Variants in GARNL3 observed in about 807,000 individuals in gnomAD.
The protein encoded by GARNL3 is GTPase-activating Rap/Ran-GAP domain-like protein 3.
In GARNL3, 63 loss-of-function variants were observed where a neutral mutation model predicts 125.0. That is an observed-to-expected ratio of 0.50 (90% CI 0.41 to 0.62). The LOEUF (loss-of-function observed/expected upper bound fraction) is 0.62, where lower values mean the gene tolerates loss of function less well. GARNL3 is among the 20% of genes least tolerant of loss of function. The pLI, the probability that GARNL3 is intolerant of heterozygous loss-of-function variation, is 0.00. For missense variants in GARNL3, 994 were observed against 1,244.0 expected, an observed-to-expected ratio of 0.80 and a Z score of 3.02; for synonymous variants, 439 against 457.5, an observed-to-expected ratio of 0.96 and a Z score of 0.52.
intron 1 of GARNL3, among the ~76,000 whole-genome samples, chr9:127,231,050 ATTTTTT>A (rs71308298): frequency 1.1e-5 from 1 of 89,548 alleles, no homozygotes; most frequent in Non-Finnish European, 1.8e-5. Context: ...ATATATATAT[ATTTTTT>A]TTTTTTTTTT....
At chr9:127,294,369 A>T (rs1258109367) in intron 2 of GARNL3, among the ~76,000 whole-genome samples, 2 of 152,036 alleles carry the variant, frequency 1.3e-5, no homozygotes, top group Non-Finnish European at 2.9e-5. Context: ...CAGTGACACT[A>T]TCTCGGCTCA....
At chr9:127,251,551 A>G (rs1233538084) in intron 2 of GARNL3, among the ~76,000 whole-genome samples, 1 of 152,232 alleles carries the variant, frequency 6.6e-6, no homozygotes, top group East Asian at 1.9e-4. Flanking sequence ...TGTCTGAAGA[A>G]AAACAGAGCA....
intron 1 of GARNL3, among the ~76,000 whole-genome samples, chr9:127,232,842 A>C (rs902775534): frequency 3.3e-5 from 5 of 152,166 alleles, no homozygotes; most frequent in Admixed American, 6.5e-5. Flanking sequence ...TTCCTCATCG[A>C]GGCAAAGAAA....
intron 4 of GARNL3, among the ~76,000 whole-genome samples, chr9:127,316,481 TAGAC>T (rs2065242881): frequency 6.6e-6 from 1 of 152,112 alleles, no homozygotes; most frequent in Non-Finnish European, 1.5e-5. Flanking sequence ...GACCATCTCT[TAGAC>T]AGGGAATGCA....
intron 2 of GARNL3, chr9:127,300,134 C>G: frequency 3.1e-6 from 1 of 326,144 alleles, no homozygotes. Context: ...TCATCATTTA[C>G]CTCTGGCCAG....
chr9:127,359,259 G>T (rs1352034380), intron 21 of GARNL3, among the ~76,000 whole-genome samples: 1 of 152,208 alleles, frequency 6.6e-6, no homozygotes, highest in Admixed American at 6.5e-5. Context: ...GGCGGCCAAG[G>T]CCGGCGGATC....
At chr9:127,318,916 G>T (rs959299186) in intron 5 of GARNL3, among the ~76,000 whole-genome samples, 2 of 152,190 alleles carry the variant, frequency 1.3e-5, no homozygotes, top group African/African-American at 4.8e-5. Flanking sequence ...GAAGTGAAGG[G>T]ATCTGACAAA....
At chr9:127,358,641 CCTT>C (rs1830814604) in intron 21 of GARNL3, among the ~76,000 whole-genome samples, 1 of 152,130 alleles carries the variant, frequency 6.6e-6, no homozygotes, top group Non-Finnish European at 1.5e-5. Flanking sequence ...GATTAGGAGA[CCTT>C]CTTGTCTTCA....
At chr9:127,361,667 C>T (rs1831006621) in intron 21 of GARNL3, 1 of 152,342 alleles carries the variant, frequency 6.6e-6, no homozygotes, top group African/African-American at 2.4e-5. Flanking sequence ...AATCCTGGCC[C>T]TGGGGCTGAA....
chr9:127,259,778 T>A (rs940925422), upstream of GARNL3, among the ~76,000 whole-genome samples: 1 of 152,150 alleles, frequency 6.6e-6, no homozygotes, highest in Non-Finnish European at 1.5e-5. Context: ...GGCTCATACC[T>A]GTAATCCCAG....
intron 1 of GARNL3, among the ~76,000 whole-genome samples, chr9:127,228,648 C>T (rs1306809545): frequency 6.6e-6 from 1 of 152,120 alleles, no homozygotes; most frequent in Non-Finnish European, 1.5e-5. Flanking sequence ...TGAATTGAAG[C>T]ACTTTTTATT....
chr9:127,385,544 A>C lies in GARNL3; in HGVS notation c.2388+399A>C, dbSNP rs956445291. Among the ~76,000 whole-genome samples the C allele has an allele frequency of 1.3e-5, 2 of 152,184 alleles. No homozygotes were observed. Among genetic ancestry groups the C allele is most frequent in the East Asian group, 3.9e-4 (2 of 5,194 alleles). On this transcript the variant is annotated intron_variant, in intron 24 of 27. Transcript: ENST00000373387. The surrounding 1 kb of genome is among the most constrained non-coding windows in gnomAD (Gnocchi z 4.1). ...TATCCTCAGTTTGAATTCTTAGCCT[A>C]TGAAACATGGCTAATTGATTAATCC...
chr9:127,333,875 G>A (rs1160278577), intron 9 of GARNL3, among the ~76,000 whole-genome samples: 1 of 152,182 alleles, frequency 6.6e-6, no homozygotes, highest in Non-Finnish European at 1.5e-5. Context: ...GGGGTTTCAA[G>A]TAGGGGAGTG....
chr9:127,323,225 G>A (rs1026570769), intron 6 of GARNL3, among the ~76,000 whole-genome samples: 64 of 152,130 alleles, frequency 4.2e-4, no homozygotes, highest in African/African-American at 1.5e-3. Context: ...ACACTAGAAA[G>A]CAGCAAAAAA....
At chr9:127,381,738 A>G (rs930082877) in intron 22 of GARNL3, among the ~76,000 whole-genome samples, 13 of 149,532 alleles carry the variant, frequency 8.7e-5, no homozygotes, top group African/African-American at 3.2e-4. Flanking sequence ...CTGGGACTAC[A>G]GGCGCCCGCC....
Position 127,305,282 on chromosome 9 carries a change from C to A in GARNL3, c.220-6354C>A, listed in dbSNP as rs181386372. 6.4e-3 allele frequency among the ~76,000 whole-genome samples: 969 copies of A among 152,348 alleles called. 9 individuals carry two copies. The highest frequency in any genetic ancestry group is 9.3e-3 in the South Asian group (45 of 4,822). On this transcript the variant is annotated intron_variant, in intron 2 of 27. Transcript: ENST00000373387. Reference sequence around the variant, plus strand: ...CCCTTTACTGTCCACTAGTACTACACATCATCGGAACCTGGAGCTTGTGTT... The same window carrying A: ...CCCTTTACTGTCCACTAGTACTACAAATCATCGGAACCTGGAGCTTGTGTT...
chr9:127,271,494 C>T (rs2063823518), intron 1 of GARNL3, among the ~76,000 whole-genome samples: 1 of 150,370 alleles, frequency 6.7e-6, no homozygotes, highest in East Asian at 1.9e-4. Context: ...CATTAGCTGG[C>T]AGTGCATTTC....
At chr9:127,342,129 TAAAGA>T (rs975893577) in intron 13 of GARNL3, 85 bp from the exon 14 acceptor site, 9 of 886,486 alleles carry the variant, frequency 1.0e-5, no homozygotes, top group Admixed American at 6.2e-5. Flanking sequence ...TTCACAGAAC[TAAAGA>T]AAAGAACAGA....
chr9:127,274,603 C>T (rs114760975), intron 1 of GARNL3, among the ~76,000 whole-genome samples: 1 of 152,152 alleles, frequency 6.6e-6, no homozygotes, highest in Admixed American at 6.5e-5. Flanking sequence ...TGCTCTCTTG[C>T]AGCCACCTTG....
Sources: gnomAD v4.1 joint callset for allele counts (sites outside exome capture counted in the v4.1 genomes callset) on GRCh38, gnomAD v4.1.1 for gene constraint, Gnocchi (gnomAD v3.1) non-coding constraint, MANE v1.5 for transcripts, NCBI Gene and HGNC (gene_info 2026-07-23, HGNC 2026-07-21) for gene names.